DENND1A: variants seen among roughly 807,000 people sequenced by gnomAD.
The protein encoded by DENND1A is DENN domain containing 1A.
In DENND1A, 51 loss-of-function variants were observed where a neutral mutation model predicts 113.7. That is an observed-to-expected ratio of 0.45 (90% CI 0.36 to 0.57). DENND1A has a LOEUF of 0.57. Ranked by LOEUF, DENND1A falls within the 20% of genes least tolerant of loss-of-function variation. DENND1A has a pLI of 0.00. For synonymous variants in DENND1A, 565 were observed against 570.8 expected (o/e 0.99, Z 0.14); for missense variants, 1,258 against 1,395.9 (o/e 0.90, Z 1.57).
At chr9:123,837,007 T>C (rs1337239737) in intron 2 of DENND1A, among the ~76,000 whole-genome samples, 2 of 152,330 alleles carry the variant, frequency 1.3e-5, no homozygotes, top group East Asian at 3.9e-4. Flanking sequence ...TATTATTACA[T>C]TTCTTATGCC....
At chr9:123,563,219 A>G (rs2057862983) in intron 12 of DENND1A, among the ~76,000 whole-genome samples, 1 of 152,122 alleles carries the variant, frequency 6.6e-6, no homozygotes, top group Non-Finnish European at 1.5e-5. Flanking sequence ...GTCTTATACA[A>G]CCACAAACTT....
rs1253060393 is a variant in DENND1A at position 123,422,283 on chromosome 9, T to C, written c.1489-10454A>G. On this transcript the variant is annotated intron_variant, in intron 19 of 23. Transcript: ENST00000394215. The surrounding 1 kb of genome is among the most constrained non-coding windows in gnomAD (Gnocchi z 4.8). ...ATTGTCCCCATGATTTGAGTTACTT[T>C]GTCTGCAAGACTGGCAACATTCCTG... is the stretch of plus-strand genomic sequence containing the variant. Among the ~76,000 whole-genome samples the C allele has an allele frequency of 6.6e-6, 1 of 152,258 alleles. No individual in the cohort carries two copies. Among genetic ancestry groups the C allele is most frequent in the Non-Finnish European group, 1.5e-5 (1 of 68,040 alleles).
intron 12 of DENND1A, among the ~76,000 whole-genome samples, chr9:123,571,053 T>C (rs1226872157): frequency 6.6e-6 from 1 of 152,126 alleles, no homozygotes; most frequent in Non-Finnish European, 1.5e-5. Context: ...TAGCAAGGTA[T>C]AAGGCATTAA....
chr9:123,386,149 T>G (rs1205161665), intron 22 of DENND1A, among the ~76,000 whole-genome samples: 1 of 152,206 alleles, frequency 6.6e-6, no homozygotes, highest in Non-Finnish European at 1.5e-5. Flanking sequence ...AAAGGTGTTT[T>G]AAATTGACAC....
intron 16 of DENND1A, among the ~76,000 whole-genome samples, 194 bp downstream of exon 16, chr9:123,454,545 C>T (rs1013429858): frequency 1.3e-5 from 2 of 152,224 alleles, no homozygotes; most frequent in East Asian, 1.9e-4. Context: ...TCAGCCCCCA[C>T]CAAGTGATGG....
At chr9:123,576,726 G>A (rs2058658894) in intron 12 of DENND1A, among the ~76,000 whole-genome samples, 1 of 152,162 alleles carries the variant, frequency 6.6e-6, no homozygotes, top group Admixed American at 6.5e-5. Context: ...CTGACCTCAG[G>A]TGATCCACCT....
At chr9:123,795,468 C>G (rs1031579091) in intron 2 of DENND1A, among the ~76,000 whole-genome samples, 1 of 152,186 alleles carries the variant, frequency 6.6e-6, no homozygotes, top group African/African-American at 2.4e-5. Flanking sequence ...GCCTTACTAA[C>G]AGTTTCAGCA....
chr9:123,587,037 C>T (rs1372214213), intron 11 of DENND1A, among the ~76,000 whole-genome samples: 1 of 151,714 alleles, frequency 6.6e-6, no homozygotes, highest in Non-Finnish European at 1.5e-5. Context: ...ATAATAGACA[C>T]ACACGAGATA....
intron 13 of DENND1A, among the ~76,000 whole-genome samples, chr9:123,476,120 G>T (rs1215243839): frequency 3.3e-5 from 5 of 151,958 alleles, no homozygotes; most frequent in Non-Finnish European, 7.4e-5. Flanking sequence ...GGAGGTGGAG[G>T]CTACAGTGAG....
At chr9:123,743,807 A>G (rs1288482423) in intron 5 of DENND1A, among the ~76,000 whole-genome samples, 2 of 152,172 alleles carry the variant, frequency 1.3e-5, no homozygotes. Flanking sequence ...TAAGGCTACC[A>G]TGAGATGTAC....
chr9:123,409,020 A>G (rs1051423824), intron 20 of DENND1A, among the ~76,000 whole-genome samples: 1 of 152,174 alleles, frequency 6.6e-6, no homozygotes, highest in Admixed American at 6.5e-5. Flanking sequence ...CAGTGGAGAG[A>G]GGCAAGCTGG....
intron 3 of DENND1A, among the ~76,000 whole-genome samples, chr9:123,780,630 A>G (rs970423642): frequency 6.6e-6 from 1 of 152,192 alleles, no homozygotes; most frequent in African/African-American, 2.4e-5. Context: ...AAGACTATTA[A>G]AGTTTGTATA....
At chr9:123,667,106 A>C (rs1195430160) in intron 7 of DENND1A, 27 bp from the exon 8 acceptor site, 2 of 1,582,156 alleles carry the variant, frequency 1.3e-6, no homozygotes. Flanking sequence ...AAAGTGATTT[A>C]TTTCTGCTAA....
chr9:123,594,354 C>G (rs558923203), intron 11 of DENND1A, among the ~76,000 whole-genome samples: 4 of 152,204 alleles, frequency 2.6e-5, no homozygotes, highest in African/African-American at 9.6e-5. Context: ...ATGTAATTCC[C>G]ATGAAGTCCC....
chr9:123,417,790 C>T lies in DENND1A; in HGVS notation c.1489-5961G>A, dbSNP rs147614486. 4.7e-4 allele frequency among the ~76,000 whole-genome samples: 72 copies of T among 152,118 alleles called. 1 individual carries two copies. In the East Asian group the frequency reaches 0.013, roughly 28 times the overall value. The stretch of plus-strand genomic sequence containing the variant: ...TTGTCCATTCATTCAACAAACAGTG[C>T]GTGGCATCCCAGGCACAGGGGCACA... On this transcript the variant is annotated intron_variant, in intron 19 of 23. Transcript: ENST00000394215.
At chr9:123,452,689 G>C (rs1233672507) in intron 16 of DENND1A, among the ~76,000 whole-genome samples, 2 of 152,018 alleles carry the variant, frequency 1.3e-5, no homozygotes, top group Non-Finnish European at 2.9e-5. Context: ...GGCATCTGTG[G>C]CTTTTCAAGA....
chr9:123,418,935 C>T (rs769694593), intron 19 of DENND1A, among the ~76,000 whole-genome samples: 8 of 152,328 alleles, frequency 5.3e-5, no homozygotes, highest in East Asian at 1.9e-4. Flanking sequence ...TAGGGATGGA[C>T]CCGTGGATTC....
chr9:123,537,514 CA>C (rs747107761), intron 13 of DENND1A, among the ~76,000 whole-genome samples: 1 of 150,864 alleles, frequency 6.6e-6, no homozygotes, highest in Non-Finnish European at 1.5e-5. Context: ...TAATCAGAAC[CA>C]AAGTTAATTC....
chr9:123,621,184 CTT>C (rs71490814), intron 10 of DENND1A, among the ~76,000 whole-genome samples: 16 of 134,838 alleles, frequency 1.2e-4, no homozygotes, highest in African/African-American at 3.0e-4. Context: ...AGTTGAAATT[CTT>C]TTTTTTTTTT....
Sources: gnomAD v4.1 joint callset for allele counts (sites outside exome capture counted in the v4.1 genomes callset) on GRCh38, gnomAD v4.1.1 for gene constraint, Gnocchi (gnomAD v3.1) non-coding constraint, MANE v1.5 for transcripts, NCBI Gene and HGNC (gene_info 2026-07-23, HGNC 2026-07-21) for gene names.